Variants in UGT1A8 observed in about 807,000 individuals in gnomAD.
UGT1A8 encodes the protein UDP-glucuronosyltransferase 1A8.
A neutral mutation model predicts 45.3 loss-of-function variants in UGT1A8; 39 were observed. The observed-to-expected ratio is 0.86, with a 90% CI of 0.67 to 1.12. The LOEUF is 1.12. Among genes scored for constraint, UGT1A8 ranks in the 50% most tolerant of loss-of-function variants. UGT1A8 has a pLI of 0.00. For synonymous variants in UGT1A8, 275 were observed against 249.2 expected, an observed-to-expected ratio of 1.10 and a Z score of -0.97; for missense variants, 719 against 664.9, an observed-to-expected ratio of 1.08 and a Z score of -0.90.
At chr2:233,622,501 A>C (rs542193340) in intron 1 of UGT1A8, among the ~76,000 whole-genome samples, 1 of 152,224 alleles carries the variant, frequency 6.6e-6, no homozygotes, top group Non-Finnish European at 1.5e-5. Context: ...GCATTTTTTC[A>C]TATGTCTGTT....
intron 1 of UGT1A8, chr2:233,693,171 T>C (rs759983270): frequency 3.6e-5 from 58 of 1,613,992 alleles, no homozygotes; most frequent in Non-Finnish European, 4.7e-5. Flanking sequence ...GGTCATGAGA[T>C]TGTAGTGGTG....
In UGT1A8 at chr2:233,640,334, G is replaced by A. The variant is rs181021883; in HGVS notation, c.855+21772G>A. 2.7e-4 allele frequency among the ~76,000 whole-genome samples: 41 copies of A among 151,908 alleles called. 1 individual carries two copies. The South Asian group carries it at 8.4e-3, about 31-fold the overall frequency. ...TTCTGACCTTTTAAAGAAACTTTTT[G>A]GCTGTCATTTTTTTAGTGGAAATTC... is the stretch of plus-strand genomic sequence containing the variant. On this transcript the variant is annotated intron_variant, in intron 1 of 4. Transcript: ENST00000373450.
At chr2:233,692,770 A>C (rs1187412546) in intron 1 of UGT1A8, 1 of 1,276,528 alleles carries the variant, frequency 7.8e-7, no homozygotes, top group Non-Finnish European at 1.0e-6. Flanking sequence ...GAAGAGAAAC[A>C]CCCAGAAGCT....
intron 1 of UGT1A8, among the ~76,000 whole-genome samples, chr2:233,641,065 CA>C (rs1289805680): frequency 2.6e-5 from 4 of 152,180 alleles, no homozygotes; most frequent in African/African-American, 9.7e-5. Flanking sequence ...GCAACCTTGG[CA>C]TTATCAATAC....
chr2:233,718,935 A>G, intron 1 of UGT1A8: 1 of 1,614,132 alleles, frequency 6.2e-7, no homozygotes, highest in South Asian at 1.1e-5. Context: ...CACTGATGGC[A>G]GCCCCTGGCT....
At chr2:233,710,950 C>G (rs1381804329) in intron 1 of UGT1A8, among the ~76,000 whole-genome samples, 1 of 152,180 alleles carries the variant, frequency 6.6e-6, no homozygotes, top group Non-Finnish European at 1.5e-5. Context: ...TTGTTTATGT[C>G]TCTGAGATTG....
chr2:233,703,554 T>C (rs2075743113), intron 1 of UGT1A8, among the ~76,000 whole-genome samples: 1 of 152,108 alleles, frequency 6.6e-6, no homozygotes, highest in Non-Finnish European at 1.5e-5. Flanking sequence ...TTATTGCTAG[T>C]AATATTTTTT....
At position 233,747,777 on chromosome 2, in the gene UGT1A8, A is replaced by G. The variant is rs1038765158; in HGVS notation, c.856-19257A>G. On this transcript the variant is annotated intron_variant, in intron 1 of 4. Transcript: ENST00000373450. ...AGACTTTAAGGGCACACAGTGTCCA[A>G]ATCCTTCCTCCTATATTCCTAAGTT... 11 of 1,613,426 alleles carry G rather than the reference A, an allele frequency of 6.8e-6. No individual in the cohort carries two copies. In the Admixed American group the frequency reaches 1.0e-4, roughly 15 times the overall value.
chr2:233,626,100 G>A (rs1266884348), intron 1 of UGT1A8, among the ~76,000 whole-genome samples: 1 of 151,924 alleles, frequency 6.6e-6, no homozygotes, highest in East Asian at 1.9e-4. Context: ...AGAGGCAGGT[G>A]CACTTGGTGT....
chr2:233,674,014 C>T (rs1419958032), intron 1 of UGT1A8, among the ~76,000 whole-genome samples: 1 of 152,118 alleles, frequency 6.6e-6, no homozygotes, highest in African/African-American at 2.4e-5. Flanking sequence ...ATGACAAATA[C>T]CAGAATAACA....
intron 1 of UGT1A8, among the ~76,000 whole-genome samples, chr2:233,757,540 A>ATATACATATACT (rs1559403688): frequency 8.6e-6 from 1 of 116,538 alleles, no homozygotes; most frequent in Admixed American, 8.4e-5. Flanking sequence ...TAAGGAATAT[A>ATATACATATACT]TATATATATA....
chr2:233,718,143 A>G (rs1479667470), intron 1 of UGT1A8: 3 of 227,078 alleles, frequency 1.3e-5, no homozygotes, highest in Non-Finnish European at 2.8e-5. Flanking sequence ...AGAATCCTCA[A>G]TAAAGCCTTC....
chr2:233,710,161 T>C (rs2076115073), intron 1 of UGT1A8, among the ~76,000 whole-genome samples: 1 of 152,264 alleles, frequency 6.6e-6, no homozygotes, highest in Non-Finnish European at 1.5e-5. Flanking sequence ...CATTTGCTTA[T>C]GCATTTATTT....
At chr2:233,755,412 C>T in intron 1 of UGT1A8, 1 of 330,878 alleles carries the variant, frequency 3.0e-6, no homozygotes, top group Non-Finnish European at 5.9e-6. Context: ...TGGCCGAGGC[C>T]TGTGAGCGCC....
rs144390992 is a variant in UGT1A8, at chr2:233,627,042, C to T, written c.855+8480C>T. Among the ~76,000 whole-genome samples, 641 of 152,170 alleles carry T rather than the reference C, an allele frequency of 4.2e-3. 5 individuals carry two copies. The highest frequency in any genetic ancestry group is 0.015 in the African/African-American group (614 of 41,540). Reference sequence around the variant, plus strand: ...AGGCTTAAGGTTTGGCAGTTCTACACATGAGGTCAGTCCTGAGTGTAAACT... The same window carrying T: ...AGGCTTAAGGTTTGGCAGTTCTACATATGAGGTCAGTCCTGAGTGTAAACT... On this transcript the variant is annotated intron_variant, in intron 1 of 4. Transcript: ENST00000373450.
At position 233,743,743 on chromosome 2, in the gene UGT1A8, G is replaced by A. The variant is rs745945267; in HGVS notation, c.856-23291G>A. On this transcript the variant is annotated intron_variant, in intron 1 of 4. Coordinates refer to ENST00000373450, the MANE Select transcript of UGT1A8 (RefSeq NM_019076.5). ...GGTCATAGATATCGCGTTTCTTGGC[G>A]TCCGACAACACCTCGTAGGCCTCGG... 19 of 1,367,226 alleles carry A rather than the reference G, an allele frequency of 1.4e-5. No individual in the cohort carries two copies. The Admixed American group carries it at 1.9e-4, about 14-fold the overall frequency. The allele number at this position is 1,367,226 out of a possible 1,614,324, so 84.7% of individuals were successfully genotyped here.
At chr2:233,646,317 G>A (rs1226338722) in intron 1 of UGT1A8, among the ~76,000 whole-genome samples, 1 of 152,220 alleles carries the variant, frequency 6.6e-6, no homozygotes, top group Non-Finnish European at 1.5e-5. Context: ...ATGCCCTGGA[G>A]ACATTTTCCC....
intron 1 of UGT1A8, among the ~76,000 whole-genome samples, chr2:233,650,959 A>G (rs1286402488): frequency 1.3e-5 from 2 of 152,192 alleles, no homozygotes; most frequent in Non-Finnish European, 2.9e-5. Context: ...GGTTCAGTAG[A>G]CTTTGTAACA....
At chr2:233,753,747 C>G (rs1162212818) in intron 1 of UGT1A8, 1 of 152,226 alleles carries the variant, frequency 6.6e-6, no homozygotes, top group Non-Finnish European at 1.5e-5. Context: ...AGCAATAGGA[C>G]AGTTTTGCGT....
Sources: gnomAD v4.1 joint callset for allele counts (sites outside exome capture counted in the v4.1 genomes callset) on GRCh38, gnomAD v4.1.1 for gene constraint, MANE v1.5 for transcripts, NCBI Gene and HGNC (gene_info 2026-07-23, HGNC 2026-07-21) for gene names.